Variants in CSMD1 observed in about 807,000 individuals in gnomAD.
CSMD1 encodes CUB and sushi domain-containing protein 1.
In CSMD1, 213 loss-of-function variants were observed where a neutral mutation model predicts 417.5. The observed-to-expected ratio is 0.51, with a 90% CI of 0.46 to 0.57. CSMD1 has a LOEUF of 0.57. Ranked by LOEUF, CSMD1 falls within the 20% of genes least tolerant of loss-of-function variation. The probability of loss-of-function intolerance (pLI) is 0.00; values close to 1 mark genes in which losing one functional copy is unlikely to be tolerated. For missense variants in CSMD1, 6,923 were observed against 4,529.7 expected, an observed-to-expected ratio of 1.53 and a Z score of -15.17; for synonymous variants, 2,862 against 1,736.8, an observed-to-expected ratio of 1.65 and a Z score of -16.11.
intron 3 of CSMD1, among the ~76,000 whole-genome samples, chr8:4,126,874 A>G (rs887818546): frequency 2.0e-5 from 3 of 152,160 alleles, no homozygotes; most frequent in African/African-American, 7.2e-5. Context: ...CCAGGACCAC[A>G]GCATCTGTCT....
At chr8:3,001,949 T>C (rs924915313) in intron 52 of CSMD1, among the ~76,000 whole-genome samples, 3 of 152,192 alleles carry the variant, frequency 2.0e-5, no homozygotes, top group East Asian at 1.9e-4. Context: ...TTTAGAAACA[T>C]TGTGTTCTCC....
chr8:4,956,592 A>C (rs915027129), intron 1 of CSMD1, among the ~76,000 whole-genome samples: 3 of 150,652 alleles, frequency 2.0e-5, no homozygotes, highest in African/African-American at 7.3e-5. Flanking sequence ...GTATATCATC[A>C]TAACAGATAT....
At chr8:4,367,742 G>C (rs59175132) in intron 3 of CSMD1, among the ~76,000 whole-genome samples, 2,516 of 152,184 alleles carry the variant, frequency 0.017, 65 homozygotes, top group African/African-American at 0.057. Flanking sequence ...TCTTTCAGCA[G>C]TGTTTTGTAA....
intron 52 of CSMD1, among the ~76,000 whole-genome samples, chr8:3,003,043 C>T (rs73502875): frequency 0.014 from 2,194 of 152,290 alleles, 42 homozygotes; most frequent in African/African-American, 0.049. Flanking sequence ...AATGAGATAG[C>T]AATCTGTTTT....
chr8:3,972,299 C>CA (rs1397457634), intron 5 of CSMD1, among the ~76,000 whole-genome samples: 1 of 152,140 alleles, frequency 6.6e-6, no homozygotes, highest in African/African-American at 2.4e-5. Context: ...AAGGTACCAA[C>CA]ACAATGTTAG....
chr8:3,694,545 G>A (rs1013316959), intron 7 of CSMD1, among the ~76,000 whole-genome samples: 2 of 152,116 alleles, frequency 1.3e-5, no homozygotes, highest in South Asian at 4.2e-4. Context: ...GAGATCCCCA[G>A]GTTCAGGTTC....
chr8:4,251,612 G>T (rs139479660), intron 3 of CSMD1, among the ~76,000 whole-genome samples: 4 of 152,164 alleles, frequency 2.6e-5, no homozygotes, highest in African/African-American at 9.7e-5. Flanking sequence ...CAGGTTTCAT[G>T]TCTGGATATT....
At chr8:3,531,990 T>C (rs981261636) in intron 10 of CSMD1, among the ~76,000 whole-genome samples, 2 of 152,176 alleles carry the variant, frequency 1.3e-5, no homozygotes, top group African/African-American at 4.8e-5. Flanking sequence ...TCCCACAGAT[T>C]CATGCCCTAT....
intron 12 of CSMD1, among the ~76,000 whole-genome samples, chr8:3,450,099 T>C (rs1306825674): frequency 2.0e-5 from 3 of 152,150 alleles, no homozygotes; most frequent in South Asian, 4.1e-4. Context: ...TGCTGACTGT[T>C]TCACTTTCAT....
At chr8:4,698,959 G>A (rs927794988) in intron 1 of CSMD1, among the ~76,000 whole-genome samples, 11 of 149,834 alleles carry the variant, frequency 7.3e-5, no homozygotes, top group African/African-American at 2.5e-4. Flanking sequence ...ACCGTCGAAC[G>A]AACACGTCAG....
chr8:3,367,436 T>G (rs1332342643), intron 19 of CSMD1, among the ~76,000 whole-genome samples, 189 bp from the exon 20 acceptor site: 2 of 147,008 alleles, frequency 1.4e-5, no homozygotes, highest in East Asian at 4.0e-4. Flanking sequence ...GATAAAGAGA[T>G]GAGACAGAGA....
At chr8:4,874,431 C>G (rs1326774714) in intron 1 of CSMD1, among the ~76,000 whole-genome samples, 4 of 141,342 alleles carry the variant, frequency 2.8e-5, no homozygotes, top group African/African-American at 5.2e-5. Context: ...GCTCTGTCAC[C>G]CAGGCTGGCA....
intron 3 of CSMD1, among the ~76,000 whole-genome samples, chr8:4,078,527 G>A (rs1270686154): frequency 4.0e-5 from 6 of 151,598 alleles, no homozygotes; most frequent in Non-Finnish European, 5.9e-5. Context: ...GCCTCCCAAA[G>A]TGCTGGGATT....
At chr8:4,002,787 G>C (rs943927765) in intron 4 of CSMD1, among the ~76,000 whole-genome samples, 3 of 152,230 alleles carry the variant, frequency 2.0e-5, no homozygotes, top group African/African-American at 7.2e-5. Flanking sequence ...GAACTGAATA[G>C]AAAGTTTTAA....
intron 54 of CSMD1, among the ~76,000 whole-genome samples, chr8:2,982,885 G>A (rs924330222): frequency 1.3e-5 from 2 of 152,054 alleles, no homozygotes; most frequent in Non-Finnish European, 2.9e-5. Context: ...CTGTCTGCAC[G>A]CTGGTCTCTT....
intron 52 of CSMD1, among the ~76,000 whole-genome samples, chr8:3,011,289 A>G (rs1350945915): frequency 6.6e-6 from 1 of 152,160 alleles, no homozygotes; most frequent in Non-Finnish European, 1.5e-5. Flanking sequence ...ACTAACATAC[A>G]GAACATATTT....
chr8:4,339,338 G>C (rs904904108), intron 3 of CSMD1, among the ~76,000 whole-genome samples: 4 of 152,020 alleles, frequency 2.6e-5, no homozygotes, highest in African/African-American at 9.7e-5. Flanking sequence ...AGCTATGCTG[G>C]CAGATTCATC....
At chr8:4,376,615 TTAAA>T (rs1444293535) in intron 3 of CSMD1, among the ~76,000 whole-genome samples, 2 of 152,096 alleles carry the variant, frequency 1.3e-5, no homozygotes, top group Non-Finnish European at 1.5e-5. Context: ...TAGGGGGGAA[TTAAA>T]TAATATTTCT....
intron 1 of CSMD1, among the ~76,000 whole-genome samples, chr8:4,751,726 C>G (rs1388932394): frequency 1.3e-5 from 2 of 152,150 alleles, no homozygotes; most frequent in East Asian, 1.9e-4. Context: ...TTTTCCCTGT[C>G]AGTCTGCTGT....
Sources: allele counts gnomAD v4.1 joint callset (sites outside exome capture counted in the v4.1 genomes callset), GRCh38; gene constraint gnomAD v4.1.1; transcripts MANE v1.5; gene names NCBI Gene and HGNC (gene_info 2026-07-23, HGNC 2026-07-21).